Variants in PRKN observed in about 807,000 individuals in gnomAD.
PRKN encodes parkin RBR E3 ubiquitin protein ligase.
PRKN carries 56 observed loss-of-function variants against 59.5 expected under a neutral mutation model. That is an observed-to-expected ratio of 0.94 (90% CI 0.76 to 1.18). The LOEUF is 1.18. Among genes scored for constraint, PRKN ranks in the 50% most tolerant of loss-of-function variants. The probability of loss-of-function intolerance (pLI) is 0.00; values close to 1 mark genes in which losing one functional copy is unlikely to be tolerated. For missense variants in PRKN, 657 were observed against 596.4 expected (o/e 1.10, Z -1.06); for synonymous variants, 250 against 222.1 (o/e 1.13, Z -1.12).
intron 7 of PRKN, among the ~76,000 whole-genome samples, chr6:161,698,277 C>G (rs1786107641): frequency 6.6e-6 from 1 of 152,042 alleles, no homozygotes; most frequent in South Asian, 2.1e-4. Context: ...ATGGGCCTTA[C>G]AGATCAACAA....
Position 161,378,125 on chromosome 6 carries a change from A to C in PRKN, c.1167+8669T>G, listed in dbSNP as rs1407396249. On this transcript the variant is annotated intron_variant, in intron 10 of 11. Coordinates refer to ENST00000366898, the MANE Select transcript of PRKN (RefSeq NM_004562.3). This position sits in a 1 kb window ranked among gnomAD's most constrained non-coding sequence, Gnocchi z 7.3. ...CTGGAAGACTGAGGACAGGTAAGAC[A>C]AGGAGCTCTGCAGAGCAGGCACGTG... is the stretch of plus-strand genomic sequence containing the variant. Among the ~76,000 whole-genome samples, 2 of 152,198 alleles carry C rather than the reference A, an allele frequency of 1.3e-5. No homozygotes were observed. The highest frequency in any genetic ancestry group is 2.1e-4 in the South Asian group (1 of 4,828).
intron 6 of PRKN, among the ~76,000 whole-genome samples, chr6:161,842,466 TAA>T (rs61182650): frequency 3.7e-5 from 5 of 135,752 alleles, no homozygotes; most frequent in Admixed American, 7.3e-5. Context: ...AATGAGACTC[TAA>T]AAAAAAAAAA....
At chr6:162,541,166 T>C (rs972064416) in intron 1 of PRKN, among the ~76,000 whole-genome samples, 1 of 152,046 alleles carries the variant, frequency 6.6e-6, no homozygotes, top group African/African-American at 2.4e-5. Context: ...AGTACAATGG[T>C]GTATAAAGCT....
rs9347651 is a variant in PRKN at position 162,483,568 on chromosome 6, A to G, written c.8-40095T>C. Among the ~76,000 whole-genome samples the G allele has an allele frequency of 9.4e-3, 930 of 99,180 alleles. 11 individuals are homozygous for G. Among genetic ancestry groups the G allele is most frequent in the African/African-American group, 0.036 (890 of 24,516 alleles). The allele number at this position is 99,180 out of a possible 152,430, so 65.1% of individuals were successfully genotyped here. ...AGAAGGGACGTAGGGAAGGAGGGAG[A>G]GAGGGAGAGAGGGAGACGGGGAAAG... is the stretch of plus-strand genomic sequence containing the variant. On this transcript the variant is annotated intron_variant, in intron 1 of 11. Transcript: ENST00000366898.
chr6:162,416,744 AC>A (rs1439085096), intron 2 of PRKN, among the ~76,000 whole-genome samples: 1 of 152,122 alleles, frequency 6.6e-6, no homozygotes, highest in Non-Finnish European at 1.5e-5. Context: ...GTGATTGGGG[AC>A]AGACAATATT....
At position 162,138,910 on chromosome 6, in the gene PRKN, A is replaced by G. The variant is rs1458093271; in HGVS notation, c.534+62221T>C. Among the ~76,000 whole-genome samples the G allele has an allele frequency of 2.6e-5, 4 of 152,308 alleles. No homozygotes were observed. In the East Asian group the frequency reaches 7.7e-4, roughly 29 times the overall value. On this transcript the variant is annotated intron_variant, in intron 4 of 11. Coordinates refer to ENST00000366898, the MANE Select transcript of PRKN (RefSeq NM_004562.3). ...GAAGCAATACCAAGTGGTCCAACACAGGAGAAATTGGTGCTGCCCATCCAA... is the reference window on the plus strand; with the variant it reads ...GAAGCAATACCAAGTGGTCCAACACGGGAGAAATTGGTGCTGCCCATCCAA...
intron 2 of PRKN, among the ~76,000 whole-genome samples, chr6:162,413,724 C>T (rs913716239): frequency 6.6e-6 from 1 of 152,144 alleles, no homozygotes; most frequent in African/African-American, 2.4e-5. Flanking sequence ...TCATGTTATT[C>T]TTTCATGTTT....
intron 2 of PRKN, among the ~76,000 whole-genome samples, chr6:162,299,262 T>A (rs920264060): frequency 2.6e-5 from 4 of 152,082 alleles, no homozygotes; most frequent in African/African-American, 9.7e-5. Flanking sequence ...GCTCCCGACT[T>A]AGATTCAATG....
At chr6:162,611,652 TTAAAA>T (rs1313779637) in intron 1 of PRKN, among the ~76,000 whole-genome samples, 1 of 152,170 alleles carries the variant, frequency 6.6e-6, no homozygotes, top group Non-Finnish European at 1.5e-5. Flanking sequence ...TGGTGGATTG[TTAAAA>T]TAATTTCATG....
chr6:162,699,754 G>A (rs1778086884), intron 1 of PRKN, among the ~76,000 whole-genome samples: 1 of 152,056 alleles, frequency 6.6e-6, no homozygotes, highest in African/African-American at 2.4e-5. Flanking sequence ...TAGGGTCTCT[G>A]TGACCTTCCT....
At chr6:161,434,141 A>G (rs1231435932) in intron 9 of PRKN, among the ~76,000 whole-genome samples, 1 of 152,122 alleles carries the variant, frequency 6.6e-6, no homozygotes, top group Non-Finnish European at 1.5e-5. Flanking sequence ...AAAATTTTGT[A>G]TGTGGGGAAT....
intron 2 of PRKN, among the ~76,000 whole-genome samples, chr6:162,293,273 GA>G (rs1781522405): frequency 6.6e-6 from 1 of 152,196 alleles, no homozygotes; most frequent in Admixed American, 6.5e-5. Flanking sequence ...GGAAAAGGAT[GA>G]AAGGATAAGA....
chr6:162,052,217 C>T lies in PRKN; in HGVS notation c.618+1874G>A, dbSNP rs568724674. On this transcript the variant is annotated intron_variant, in intron 5 of 11. Coordinates refer to ENST00000366898, the MANE Select transcript of PRKN (RefSeq NM_004562.3). ...ATCTAAGTTCTATTTTCTCTTTTTA[C>T]CTATGTCTTATCTGCTGTTCAGCCC... is the stretch of plus-strand genomic sequence containing the variant. 1.1e-4 allele frequency among the ~76,000 whole-genome samples: 17 copies of T among 152,038 alleles called. No individual in the cohort carries two copies. The East Asian group carries it at 3.1e-3, about 28-fold the overall frequency.
At chr6:161,629,213 T>C (rs1460902062) in intron 7 of PRKN, among the ~76,000 whole-genome samples, 2 of 152,072 alleles carry the variant, frequency 1.3e-5, no homozygotes, top group Admixed American at 6.5e-5. Flanking sequence ...AAATGGGACC[T>C]GATCAGACTG....
chr6:161,479,785 G>T (rs556133734), intron 9 of PRKN, among the ~76,000 whole-genome samples: 1 of 152,282 alleles, frequency 6.6e-6, no homozygotes, highest in South Asian at 2.1e-4. Context: ...CACAAAGCCG[G>T]GGTCACTGGG....
chr6:162,703,524 G>A (rs1011992225), intron 1 of PRKN, among the ~76,000 whole-genome samples: 2 of 152,200 alleles, frequency 1.3e-5, no homozygotes, highest in African/African-American at 4.8e-5. Context: ...AACACAAGCC[G>A]GCTCCAACTT....
rs60364166 is a variant in PRKN at position 161,469,547 on chromosome 6, AAGAG to A, written c.1083+79303_1083+79306del. Among the ~76,000 whole-genome samples, 398 of 117,880 alleles carry A rather than the reference AAGAG, an allele frequency of 3.4e-3. 4 individuals are homozygous for A. Among genetic ancestry groups the A allele is most frequent in the East Asian group, 1.0e-2 (46 of 4,602 alleles). The allele number at this position is 117,880 out of a possible 152,430, so 77.3% of individuals were successfully genotyped here. The stretch of plus-strand genomic sequence containing the variant: ...CCAGGTGGGTCCAGTGAACAAGAGA[AAGAG>A]AGAGAGAGAGAGAGAGAGAGAAAGA... On this transcript the variant is annotated intron_variant, in intron 9 of 11. Coordinates refer to ENST00000366898, the MANE Select transcript of PRKN (RefSeq NM_004562.3).
intron 1 of PRKN, among the ~76,000 whole-genome samples, chr6:162,512,808 T>G (rs753790032): frequency 1.6e-4 from 25 of 152,146 alleles, no homozygotes; most frequent in Non-Finnish European, 3.1e-4. Flanking sequence ...AAACTTTAAA[T>G]TTGGAATATA....
At chr6:161,887,768 T>A (rs1456760548) in intron 6 of PRKN, among the ~76,000 whole-genome samples, 2 of 152,198 alleles carry the variant, frequency 1.3e-5, no homozygotes, top group Non-Finnish European at 2.9e-5. Flanking sequence ...AGAAATGCAA[T>A]CTAGCAGATA....
Sources: gnomAD v4.1 joint callset for allele counts (sites outside exome capture counted in the v4.1 genomes callset) on GRCh38, gnomAD v4.1.1 for gene constraint, Gnocchi (gnomAD v3.1) non-coding constraint, MANE v1.5 for transcripts, NCBI Gene and HGNC (gene_info 2026-07-23, HGNC 2026-07-21) for gene names.